The following MSI2 variants were observed in gnomAD, a reference collection of about 807,000 sequenced individuals.
MSI2 encodes the protein RNA-binding protein Musashi homolog 2.
In MSI2, 17 loss-of-function variants were observed where a neutral mutation model predicts 45.6. The ratio of observed to expected loss-of-function variants is 0.37; its 90% CI spans 0.26 to 0.56. MSI2 has a LOEUF of 0.56. Among genes scored for constraint, MSI2 ranks in the 20% least tolerant of loss-of-function variants. MSI2 has a pLI of 0.77. For missense variants in MSI2, 293 were observed against 444.2 expected, an observed-to-expected ratio of 0.66 and a Z score of 3.06; for synonymous variants, 156 against 158.2, an observed-to-expected ratio of 0.99 and a Z score of 0.11.
At position 57,570,413 on chromosome 17, in the gene MSI2, T is replaced by A. The variant is rs1216975024; in HGVS notation, c.455-26455T>A. Among the ~76,000 whole-genome samples the A allele has an allele frequency of 2.6e-5, 4 of 151,968 alleles. No homozygotes were observed. The East Asian group carries it at 7.7e-4, about 29-fold the overall frequency. ...CCAGTGGTTTTCTCTGGTAGAGGAG[T>A]TATGGGGTGGGTTGAAATCTGTGCC... On this transcript the variant is annotated intron_variant, in intron 7 of 13. Transcript: ENST00000284073.
chr17:57,511,788 C>T (rs1329736678), intron 6 of MSI2, among the ~76,000 whole-genome samples: 1 of 152,162 alleles, frequency 6.6e-6, no homozygotes, highest in Non-Finnish European at 1.5e-5. Flanking sequence ...TCATTTTGTT[C>T]CCCCAGGTTT....
rs1567958209 is a variant in MSI2, at chr17:57,647,958, TTTGTTTG to T, written c.728-4138_728-4132del. ...CACCTGGCCAAAGAGTGTTTGTTGG[TTTGTTTG>T]TTTGTTTGTTTGTTTGAGACAGAGT... On this transcript the variant is annotated intron_variant, in intron 10 of 13. Transcript: ENST00000284073. Among the ~76,000 whole-genome samples, 7 of 146,414 alleles carry T rather than the reference TTTGTTTG, an allele frequency of 4.8e-5. No individual in the cohort carries two copies. The South Asian group carries it at 1.3e-3, about 27-fold the overall frequency.
chr17:57,676,673 C>T (rs1484889461), intron 12 of MSI2, among the ~76,000 whole-genome samples: 1 of 152,222 alleles, frequency 6.6e-6, no homozygotes, highest in Non-Finnish European at 1.5e-5. Context: ...TCTTTGCACT[C>T]TGGGGTTCAG....
At chr17:57,656,419 A>G (rs996439651) in intron 11 of MSI2, among the ~76,000 whole-genome samples, 2 of 152,212 alleles carry the variant, frequency 1.3e-5, no homozygotes, top group South Asian at 4.1e-4. Flanking sequence ...CCTACCAGCA[A>G]GACTCCTTCA....
chr17:57,291,855 C>T (rs1910449829), intron 5 of MSI2, among the ~76,000 whole-genome samples: 1 of 152,056 alleles, frequency 6.6e-6, no homozygotes, highest in Non-Finnish European at 1.5e-5. Flanking sequence ...TACAGCCATA[C>T]CACCCTGAAT....
the MSI2 span, among the ~76,000 whole-genome samples, chr17:57,699,038 A>AGT: frequency 2.2e-5 from 1 of 44,674 alleles, no homozygotes; most frequent in African/African-American, 1.4e-4. Context: ...AGAGAGAGAG[A>AGT]GAGAGAGTGT....
chr17:57,391,967 G>C (rs2083800872), intron 5 of MSI2, among the ~76,000 whole-genome samples: 1 of 152,224 alleles, frequency 6.6e-6, no homozygotes, highest in Admixed American at 6.5e-5. Flanking sequence ...TCCCCATAGT[G>C]GGTCTGAATC....
intron 5 of MSI2, among the ~76,000 whole-genome samples, chr17:57,318,364 C>T (rs1245455156): frequency 6.6e-6 from 1 of 152,096 alleles, no homozygotes; most frequent in Non-Finnish European, 1.5e-5. Context: ...CACTGGTTGT[C>T]TGTGTCTCTC....
intron 13 of MSI2, among the ~76,000 whole-genome samples, chr17:57,678,674 G>C (rs1913411599): frequency 6.6e-6 from 1 of 152,214 alleles, no homozygotes; most frequent in Non-Finnish European, 1.5e-5. Context: ...CATAGGGGTG[G>C]GGTGGGGTGG....
chr17:57,470,706 A>G (rs1025483992), intron 6 of MSI2, among the ~76,000 whole-genome samples: 4 of 152,216 alleles, frequency 2.6e-5, no homozygotes, highest in Non-Finnish European at 5.9e-5. Flanking sequence ...CACAGCAGGG[A>G]TGGAGACAGC....
At chr17:57,471,452 G>A (rs1196995020) in intron 6 of MSI2, among the ~76,000 whole-genome samples, 7 of 151,840 alleles carry the variant, frequency 4.6e-5, no homozygotes, top group Non-Finnish European at 7.4e-5. Flanking sequence ...CACCATGCCC[G>A]GCTAATTTTT....
chr17:57,608,072 C>A (rs935637269), intron 8 of MSI2, among the ~76,000 whole-genome samples: 2 of 152,190 alleles, frequency 1.3e-5, no homozygotes, highest in African/African-American at 4.8e-5. Flanking sequence ...TGCAAAGGAG[C>A]AGAAGGGCTT....
intron 6 of MSI2, among the ~76,000 whole-genome samples, chr17:57,474,800 C>T (rs903998715): frequency 1.3e-5 from 2 of 152,154 alleles, no homozygotes; most frequent in Non-Finnish European, 2.9e-5. Context: ...CTCATTGCAA[C>T]CTCCACCTCC....
rs544889905 is a variant in MSI2, at chr17:57,482,810, A to G, written c.406-46866A>G. ...AGCAAGTCAAGGCCAGACCCTCCAG[A>G]TGCACTGGACTGTGGGGACATTTTG... On this transcript the variant is annotated intron_variant, in intron 6 of 13. Coordinates refer to ENST00000284073, the MANE Select transcript of MSI2 (RefSeq NM_138962.4). 5.3e-5 allele frequency among the ~76,000 whole-genome samples: 8 copies of G among 152,324 alleles called. No homozygotes were observed. The South Asian group carries it at 1.5e-3, about 28-fold the overall frequency.
At chr17:57,473,458 T>A (rs1053910803) in intron 6 of MSI2, among the ~76,000 whole-genome samples, 2 of 152,174 alleles carry the variant, frequency 1.3e-5, no homozygotes, top group Non-Finnish European at 2.9e-5. Context: ...TGAGTAGAAT[T>A]CATTGACGGC....
At chr17:57,563,728 T>TCA (rs371196033) in intron 7 of MSI2, among the ~76,000 whole-genome samples, 6,732 of 144,682 alleles carry the variant, frequency 0.047, 218 homozygotes, top group Middle Eastern at 0.086. Context: ...TCTTTCCCTC[T>TCA]CACACACACA....
At chr17:57,498,518 G>A (rs751636001) in intron 6 of MSI2, among the ~76,000 whole-genome samples, 3 of 152,164 alleles carry the variant, frequency 2.0e-5, no homozygotes, top group Non-Finnish European at 4.4e-5. Context: ...TCATCTCTCC[G>A]ACCCCAGTAC....
intron 6 of MSI2, among the ~76,000 whole-genome samples, chr17:57,478,852 G>A (rs1184039499): frequency 1.3e-5 from 2 of 152,200 alleles, no homozygotes; most frequent in African/African-American, 4.8e-5. Flanking sequence ...AGACTTAACT[G>A]TTTAACCTGT....
At chr17:57,471,511 G>C (rs2908824) in intron 6 of MSI2, among the ~76,000 whole-genome samples, 11,124 of 151,986 alleles carry the variant, frequency 0.073, 509 homozygotes, top group South Asian at 0.15. Context: ...GAACTTTATG[G>C]AGCACTTTCT....
Sources: allele counts gnomAD v4.1 joint callset (sites outside exome capture counted in the v4.1 genomes callset), GRCh38; gene constraint gnomAD v4.1.1; transcripts MANE v1.5; gene names NCBI Gene and HGNC (gene_info 2026-07-23, HGNC 2026-07-21).